EML4: variants seen among roughly 807,000 people sequenced by gnomAD.
EML4 encodes the protein EMAP like 4.
EML4 carries 72 observed loss-of-function variants against 129.0 expected under a neutral mutation model. The ratio of observed to expected loss-of-function variants is 0.56; its 90% confidence interval spans 0.46 to 0.68. The LOEUF (loss-of-function observed/expected upper bound fraction) is 0.68, where lower values mean the gene tolerates loss of function less well. Ranked by LOEUF, EML4 falls within the 30% of genes least tolerant of loss-of-function variation. The pLI, the probability that EML4 is intolerant of heterozygous loss-of-function variation, is 0.00. For missense variants in EML4, 1,363 were observed against 1,190.6 expected (o/e 1.14, Z -2.13); for synonymous variants, 532 against 405.0 (o/e 1.31, Z -3.77).
rs545181263 is a variant in EML4, at chr2:42,317,418, T to C, written c.2057-9T>C. On this transcript the variant is annotated splice_polypyrimidine_tract_variant and intron_variant, in intron 18 of 22. Coordinates refer to ENST00000318522, the MANE Select transcript of EML4 (RefSeq NM_019063.5). Reference sequence around the variant, plus strand: ...TTTCTCTAGTCAACACTGACCTATTTTATTCTAGATGGTACCTTCCTGGCT... The same window carrying C: ...TTTCTCTAGTCAACACTGACCTATTCTATTCTAGATGGTACCTTCCTGGCT... The C allele has an allele frequency of 2.5e-6, 4 of 1,575,206 alleles. No individual in the cohort carries two copies. The South Asian group carries it at 4.5e-5, about 18-fold the overall frequency.
intron 3 of EML4, 23 bp from the exon 4 acceptor site, chr2:42,261,098 C>T: frequency 1.3e-6 from 2 of 1,542,174 alleles, no homozygotes; most frequent in Non-Finnish European, 1.8e-6. Context: ...GTGTATTGTT[C>T]CATGTTATAC....
At chr2:42,255,749 A>C (rs1044968127) in intron 2 of EML4, among the ~76,000 whole-genome samples, 3 of 152,244 alleles carry the variant, frequency 2.0e-5, no homozygotes, top group Non-Finnish European at 4.4e-5. Flanking sequence ...ATCTATATTA[A>C]GGAAGCACGT....
rs1469369185 is a variant in EML4 at position 42,295,182 on chromosome 2, A to G, written c.1276A>G (p.Ile426Val). The part of the protein sequence containing the change: ...EFHPTDANTI[I>V]TCGKSHIFFW... ...TCACCCAACAGATGCAAATACCATA[A>G]TTACATGCGGTAAATCTCATATTTT... Residue 426 changes from isoleucine (I) to valine (V), a missense_variant, in exon 12 of 23, where the codon ATT becomes GTT. By Grantham distance (29) the Ile-to-Val change is conservative. Coordinates refer to ENST00000318522, the MANE Select transcript of EML4 (RefSeq NM_019063.5). 1 of 1,612,980 alleles carries G rather than the reference A, an allele frequency of 6.2e-7. No homozygotes were observed. The highest frequency in any genetic ancestry group is 8.5e-7 in the Non-Finnish European group (1 of 1,179,698).
At chr2:42,280,150 T>C (rs1395361028) in intron 6 of EML4, among the ~76,000 whole-genome samples, 1 of 152,212 alleles carries the variant, frequency 6.6e-6, no homozygotes, top group Non-Finnish European at 1.5e-5. Flanking sequence ...ACATGGTTGT[T>C]GTCTATCCAA....
chr2:42,230,561 C>T (rs941509392), intron 1 of EML4, among the ~76,000 whole-genome samples: 3 of 152,138 alleles, frequency 2.0e-5, no homozygotes, highest in African/African-American at 7.2e-5. Flanking sequence ...TGTGTGCCAC[C>T]ATCCCCAGCT....
At chr2:42,182,333 C>T (rs112788891) in intron 1 of EML4, among the ~76,000 whole-genome samples, 1,448 of 140,982 alleles carry the variant, frequency 0.01, 22 homozygotes, top group African/African-American at 0.036. Context: ...GTTTCTGCTT[C>T]CTTGCTTGTT....
At chr2:42,288,348 G>A in intron 11 of EML4, 26 bp downstream of exon 11, 1 of 1,129,808 alleles carries the variant, frequency 8.9e-7, no homozygotes, top group Non-Finnish European at 1.3e-6. Context: ...ACCGAGTATT[G>A]TGTTTTAGAG....
intron 1 of EML4, among the ~76,000 whole-genome samples, chr2:42,217,343 A>G (rs1673261953): frequency 6.6e-6 from 1 of 152,118 alleles, no homozygotes; most frequent in African/African-American, 2.4e-5. Context: ...TTTTCAGAGA[A>G]AGCAATTCTT....
At chr2:42,202,134 A>T (rs1302516182) in intron 1 of EML4, among the ~76,000 whole-genome samples, 1 of 151,334 alleles carries the variant, frequency 6.6e-6, no homozygotes, top group East Asian at 1.9e-4. Context: ...GGGGGCTTGG[A>T]GGGGTGTAGA....
At chr2:42,214,316 G>A (rs1393583539) in intron 1 of EML4, among the ~76,000 whole-genome samples, 1 of 152,134 alleles carries the variant, frequency 6.6e-6, no homozygotes, top group East Asian at 1.9e-4. Context: ...GTTATTTGAT[G>A]CTTACCTGAG....
At chr2:42,294,154 T>A (rs745453941) in intron 11 of EML4, among the ~76,000 whole-genome samples, 2 of 152,366 alleles carry the variant, frequency 1.3e-5, no homozygotes, top group South Asian at 2.1e-4. Flanking sequence ...ATATCCTCAA[T>A]TGAAATCATT....
chr2:42,196,683 A>G (rs991469213), intron 1 of EML4, among the ~76,000 whole-genome samples: 1 of 152,222 alleles, frequency 6.6e-6, no homozygotes, highest in South Asian at 2.1e-4. Flanking sequence ...CTTGTTTTCT[A>G]TGCAGTAACG....
Position 42,277,570 on chromosome 2 carries a change from CT to C in EML4, c.668-3263del, listed in dbSNP as rs869297928. 6.9e-3 allele frequency among the ~76,000 whole-genome samples: 939 copies of C among 136,522 alleles called. 2 individuals carry two copies. Among genetic ancestry groups the C allele is most frequent in the African/African-American group, 0.021 (760 of 36,544 alleles). The allele number at this position is 136,522 out of a possible 152,430, so 89.6% of individuals were successfully genotyped here. ...ACTTCTCACCCATAACAAGCACAAC[CT>C]TTTTTTTTTTTTTTTTGAGACGGAG... On this transcript the variant is annotated intron_variant, in intron 6 of 22. Transcript: ENST00000318522.
chr2:42,277,394 A>G (rs896064237), intron 6 of EML4, among the ~76,000 whole-genome samples: 6 of 152,216 alleles, frequency 3.9e-5, no homozygotes, highest in African/African-American at 1.4e-4. Flanking sequence ...TATGCTAAAA[A>G]TCATCAGGAA....
At chr2:42,247,142 G>T (rs939789033) in intron 2 of EML4, among the ~76,000 whole-genome samples, 1 of 152,180 alleles carries the variant, frequency 6.6e-6, no homozygotes, top group African/African-American at 2.4e-5. Flanking sequence ...CAAAAAGGCA[G>T]CAGAGAGGAA....
intron 1 of EML4, among the ~76,000 whole-genome samples, chr2:42,175,364 C>G (rs1298611326): frequency 6.6e-6 from 1 of 151,194 alleles, no homozygotes; most frequent in Non-Finnish European, 1.5e-5. Flanking sequence ...TCGCCTGCCT[C>G]GGCCTTCCAA....
Position 42,325,602 on chromosome 2 carries a change from TTATATATATATATATATATATATA to T in EML4, c.2242+62_2242+85del, listed in dbSNP as rs10530482. On this transcript the variant is annotated intron_variant, in intron 20 of 22. Transcript: ENST00000318522. Reference sequence around the variant, plus strand: ...ATATATATATATGCTATGATTATATTTATATATATATATATATATATATATATATATATATATGCTAAGATGTGT... The same window carrying T: ...ATATATATATATGCTATGATTATATTTATATATATATATGCTAAGATGTGT... 2.1e-4 allele frequency: 27 copies of T among 129,308 alleles called. 1 individual carries two copies. The highest frequency in any genetic ancestry group is 2.7e-3 in the Middle Eastern group (1 of 364). 8.0% of individuals were successfully genotyped at this position (129,308 alleles called of 1,614,324 possible).
intron 11 of EML4, among the ~76,000 whole-genome samples, chr2:42,290,658 G>C (rs1402631460): frequency 6.6e-6 from 1 of 152,124 alleles, no homozygotes; most frequent in South Asian, 2.1e-4. Flanking sequence ...ATTGAGCCCA[G>C]GAGATTGAGG....
intron 11 of EML4, among the ~76,000 whole-genome samples, chr2:42,294,880 A>T (rs1454407100): frequency 6.6e-6 from 1 of 152,220 alleles, no homozygotes; most frequent in African/African-American, 2.4e-5. Context: ...AGGTATTCAT[A>T]TAAGTGTCTT....
Sources: allele counts gnomAD v4.1 joint callset (sites outside exome capture counted in the v4.1 genomes callset), GRCh38; gene constraint gnomAD v4.1.1; transcripts MANE v1.5; gene names NCBI Gene and HGNC (gene_info 2026-07-23, HGNC 2026-07-21).